The following OTOG variants were observed in gnomAD, a reference collection of about 807,000 sequenced individuals.
OTOG encodes the protein otogelin.
OTOG carries 296 observed loss-of-function variants against 313.8 expected under a neutral mutation model. The observed-to-expected ratio is 0.94, with a 90% CI of 0.86 to 1.04. OTOG has a LOEUF of 1.04. OTOG is among the 50% of genes least tolerant of loss of function. OTOG has a pLI of 0.00. For missense variants in OTOG, 3,948 were observed against 3,840.1 expected, an observed-to-expected ratio of 1.03 and a Z score of -0.74; for synonymous variants, 1,533 against 1,554.9, an observed-to-expected ratio of 0.99 and a Z score of 0.33.
Position 17,638,633 on chromosome 11 carries a change from C to T in OTOG, c.7894+84C>T, listed in dbSNP as rs575476845. ...GGATTGAGGGAGCCCGGCCTACCAC[C>T]GTCCACTCCTCTCAGATCTGTCCCC... On this transcript the variant is annotated intron_variant, in intron 48 of 55. Coordinates refer to ENST00000399397, the MANE Select transcript of OTOG (RefSeq NM_001292063.2). The T allele has an allele frequency of 1.3e-5, 19 of 1,490,164 alleles. No individual in the cohort carries two copies. In the Admixed American group the frequency reaches 2.8e-4, roughly 22 times the overall value. 92.3% of individuals were successfully genotyped at this position (1,490,164 alleles called of 1,614,324 possible).
At chr11:17,613,195 T>TTTCTTTCCTTTCTTTC (rs1401646180) in intron 38 of OTOG, among the ~76,000 whole-genome samples, 2 of 65,368 alleles carry the variant, frequency 3.1e-5, no homozygotes, top group Middle Eastern at 7.1e-3. Flanking sequence ...TCTTTCTTTC[T>TTTCTTTCCTTTCTTTC]TTTCTTTCTT....
chr11:17,633,970 G>A, intron 43 of OTOG, 96 bp downstream of exon 43: 1 of 1,479,518 alleles, frequency 6.8e-7, no homozygotes, highest in Non-Finnish European at 9.0e-7. Flanking sequence ...ATCCTTTCAG[G>A]TCTGCTTAGG....
At position 17,613,611 on chromosome 11, in the gene OTOG, G is replaced by T. The variant is rs1853651629; in HGVS notation, c.6439-1G>T. 6.4e-7 allele frequency: 1 copy of T among 1,550,464 alleles called. No individual in the cohort carries two copies. Among genetic ancestry groups the T allele is most frequent in the South Asian group, 1.2e-5 (1 of 84,052 alleles). On this transcript the variant is annotated splice_acceptor_variant, in intron 38 of 55. Transcript: ENST00000399397. LOFTEE classifies it high-confidence loss of function. ...TGATGAGGGCTGGGTTCTCTCTGCA[G>T]GGGCACCTGAACTGGCCCCCGTTCT...
Position 17,547,333 on chromosome 11 carries a change from C to T in OTOG, c.-40C>T. ...TAGCCCGGGGAGGCACCTCGGGAGG[C>T]TGGCCCTGCGCTCAAGTCCTCCGGT... On this transcript the variant is annotated 5_prime_UTR_variant, in exon 1 of 56. Coordinates refer to ENST00000399397, the MANE Select transcript of OTOG (RefSeq NM_001292063.2). 7.6e-7 allele frequency: 1 copy of T among 1,310,838 alleles called. No individual in the cohort carries two copies. Among genetic ancestry groups the T allele is most frequent in the Non-Finnish European group, 9.7e-7 (1 of 1,033,172 alleles). The allele number at this position is 1,310,838 out of a possible 1,614,324, so 81.2% of individuals were successfully genotyped here.
chr11:17,633,906 T>G, intron 43 of OTOG, 32 bp downstream of exon 43: 1 of 1,501,360 alleles, frequency 6.7e-7, no homozygotes, highest in African/African-American at 1.4e-5. Context: ...GTGGGGGGCC[T>G]CCAAAGCCAG....
intron 19 of OTOG, among the ~76,000 whole-genome samples, chr11:17,573,795 C>T (rs1375003247): frequency 6.6e-6 from 1 of 152,218 alleles, no homozygotes; most frequent in African/African-American, 2.4e-5. Context: ...AAGCTTTTAG[C>T]AAATGTTTGT....
intron 6 of OTOG, 72 bp from the exon 7 acceptor site, chr11:17,555,707 C>A: frequency 2.4e-6 from 3 of 1,269,732 alleles, no homozygotes; most frequent in South Asian, 2.6e-5. Context: ...AGTGAAAACT[C>A]AATAAGGTGT....
intron 18 of OTOG, 131 bp downstream of exon 18, chr11:17,572,335 C>G (rs766550309): frequency 6.1e-6 from 8 of 1,301,342 alleles, no homozygotes; most frequent in Non-Finnish European, 8.3e-6. Context: ...GAAGGAGGAG[C>G]AGCAGGGAGG....
At chr11:17,643,624 G>C in intron 54 of OTOG, 118 bp downstream of exon 54, 1 of 690,332 alleles carries the variant, frequency 1.4e-6, no homozygotes, top group Non-Finnish European at 2.1e-6. Context: ...GCTCTTCTGG[G>C]CTGAGTAGAT....
At position 17,558,229 on chromosome 11, in the gene OTOG, G is replaced by A. The variant is rs1852097342; in HGVS notation, c.910G>A (p.Glu304Lys). Residue 304 changes from glutamate to lysine, a missense_variant, in exon 9 of 56, where the codon GAG becomes AAG. By Grantham distance (56) the Glu-to-Lys change is moderately conservative. Transcript: ENST00000399397. ...DVVEFVHSWQ[E>K]QAPNQPPGPT... ...GGTTGAGTTTGTGCACAGCTGGCAGGAGCAGGCCCCTAACCAGCCTCCAGG... is the reference window on the plus strand; with the variant it reads ...GGTTGAGTTTGTGCACAGCTGGCAGAAGCAGGCCCCTAACCAGCCTCCAGG... The A allele has an allele frequency of 1.3e-6, 2 of 1,550,426 alleles. No homozygotes were observed. Among genetic ancestry groups the A allele is most frequent in the East Asian group, 2.4e-5 (1 of 40,922 alleles).
Position 17,612,683 on chromosome 11 carries a change from T to G in OTOG, c.6356T>G (p.Phe2119Cys), listed in dbSNP as rs1009796591. The change falls in exon 38 of 56, where the codon TTC (phenylalanine) becomes TGC (cysteine). Residue 2119 changes from phenylalanine (F) to cysteine (C), a missense_variant. Transcript: ENST00000399397. ...VTFDGSHVALFKEAIYILSQS... is the reference protein window; with the variant it reads ...VTFDGSHVALCKEAIYILSQS... ...TTCGATGGGAGCCACGTAGCTCTGT[T>G]CAAGGAGGCCATCTACATCCTCAGC... 2.6e-6 allele frequency: 4 copies of G among 1,550,446 alleles called. No homozygotes were observed. The highest frequency in any genetic ancestry group is 3.5e-6 in the Non-Finnish European group (4 of 1,146,984).
At chr11:17,591,720 C>A in intron 25 of OTOG, 132 bp downstream of exon 25, 3 of 1,204,338 alleles carry the variant, frequency 2.5e-6, no homozygotes, top group Non-Finnish European at 3.4e-6. Context: ...TATCTAGAGA[C>A]TGGAAGAAGT....
In OTOG at chr11:17,634,929, C is replaced by T. The variant is rs2133709247; in HGVS notation, c.7566C>T (p.Cys2522=). 6.6e-7 allele frequency: 1 copy of T among 1,507,172 alleles called. No homozygotes were observed. The allele number at this position is 1,507,172 out of a possible 1,614,324, so 93.4% of individuals were successfully genotyped here. A position where few individuals can be genotyped will look rare whatever the true frequency, so the allele number is the denominator to read the frequency against. Residue 2522 remains cysteine (C), a synonymous_variant, in exon 45 of 56, where the codon TGC becomes TGT. Transcript: ENST00000399397. ...TCACCCACTTCCAGGAGGACTCCTG[C>T]TGCCCCAGCTACAGCTGTGGTGAGA... ...RLLTHFQEDS[C]CPSYSCECDP...
chr11:17,608,898 G>C (rs996290982), intron 34 of OTOG, among the ~76,000 whole-genome samples: 1 of 152,230 alleles, frequency 6.6e-6, no homozygotes, highest in South Asian at 2.1e-4. Context: ...TTTCCCTCTC[G>C]GTCTGAGGGG....
rs573931352 is a variant in OTOG at position 17,558,214 on chromosome 11, G to A, written c.895G>A (p.Val299Met). The change falls in exon 9 of 56, where the codon GTG becomes ATG. Residue 299 changes from valine to methionine, a missense_variant. By Grantham distance (21) the Val-to-Met change is conservative. Coordinates refer to ENST00000399397, the MANE Select transcript of OTOG (RefSeq NM_001292063.2). ...GKLTDDVVEF[V>M]HSWQEQAPNQ... ...GCTGACTGACGACGTGGTTGAGTTT[G>A]TGCACAGCTGGCAGGAGCAGGCCCC... 1 of 1,550,520 alleles carries A rather than the reference G, an allele frequency of 6.4e-7. No individual in the cohort carries two copies. The highest frequency in any genetic ancestry group is 1.4e-5 in the African/African-American group (1 of 73,156).
chr11:17,593,580 G>T, intron 26 of OTOG, 30 bp from the exon 27 acceptor site: 1 of 1,547,092 alleles, frequency 6.5e-7, no homozygotes. Flanking sequence ...GGGCACTTGG[G>T]CTCAGGACTG....
intron 7 of OTOG, 28 bp from the exon 8 acceptor site, chr11:17,557,090 C>A (rs1406052120): frequency 6.5e-7 from 1 of 1,544,934 alleles, no homozygotes. Context: ...GTTGTGGATA[C>A]CCTGAAGCTC....
rs774829678 is a variant in OTOG, at chr11:17,573,126, C to T, written c.2129C>T (p.Ala710Val). 2.4e-5 allele frequency: 37 copies of T among 1,547,418 alleles called. No individual in the cohort carries two copies. Among genetic ancestry groups the T allele is most frequent in the African/African-American group, 6.8e-5 (5 of 73,036 alleles). The change falls in exon 19 of 56, where the codon GCG (alanine) becomes GTG (valine). Residue 710 changes from alanine to valine, a missense_variant. Coordinates refer to ENST00000399397, the MANE Select transcript of OTOG (RefSeq NM_001292063.2). ...AGCGTGCTCACGGGGGAGATGTTTG[C>T]GCCCTGCTCTGCGTTCCTGAGCCCC... ...ACSVLTGEMF[A>V]PCSAFLSPVP...
chr11:17,608,029 GCTTCCCTGTCCTCAGTT>G (rs1188043319), intron 33 of OTOG, among the ~76,000 whole-genome samples: 1 of 152,102 alleles, frequency 6.6e-6, no homozygotes, highest in Non-Finnish European at 1.5e-5. Context: ...CGGGGCCAGA[GCTTCCCTGTCCTCAGTT>G]CTTCCCTGTC....
Sources: allele counts gnomAD v4.1 joint callset (sites outside exome capture counted in the v4.1 genomes callset), GRCh38; gene constraint gnomAD v4.1.1; transcripts MANE v1.5; gene names NCBI Gene and HGNC (gene_info 2026-07-23, HGNC 2026-07-21).